The following NAF1 variants were observed in gnomAD, a reference collection of about 807,000 sequenced individuals.
NAF1 encodes nuclear assembly factor 1 ribonucleoprotein.
NAF1 carries 11 observed loss-of-function variants against 40.6 expected under a neutral mutation model. The observed-to-expected ratio is 0.27, with a 90% confidence interval of 0.17 to 0.45. The LOEUF (loss-of-function observed/expected upper bound fraction) is 0.45. Among genes scored for constraint, NAF1 ranks in the 20% least tolerant of loss-of-function variants. NAF1 has a pLI of 1.00. For missense variants in NAF1, 607 were observed against 611.1 expected (o/e 0.99, Z 0.07); for synonymous variants, 260 against 228.5 (o/e 1.14, Z -1.24).
intron 2 of NAF1, among the ~76,000 whole-genome samples, chr4:163,118,301 G>A (rs143721034): frequency 9.2e-5 from 14 of 152,270 alleles, no homozygotes; most frequent in African/African-American, 3.4e-4. Flanking sequence ...AGGGACAGGT[G>A]TAATAAAACA....
rs776788615 is a variant in NAF1, at chr4:163,140,283, A to G, written c.818T>C (p.Met273Thr). 6.2e-7 allele frequency: 1 copy of G among 1,607,980 alleles called. No individual in the cohort carries two copies. Among genetic ancestry groups the G allele is most frequent in the Non-Finnish European group, 8.5e-7 (1 of 1,177,212 alleles). Reference sequence around the variant, plus strand: ...ATCTTTCATTGATGGAGCAAAATACATAGTCTCCTTTATTTTAATACCTTT... The same window carrying G: ...ATCTTTCATTGATGGAGCAAAATACGTAGTCTCCTTTATTTTAATACCTTT... ...ESKGIKIKET[M>T]YFAPSMKDFT... The change falls in exon 5 of 8, where the codon ATG becomes ACG. Residue 273 changes from methionine to threonine, a missense_variant. Physicochemically the swap from Met to Thr is moderately conservative, Grantham distance 81 (BLOSUM62 -1). Transcript: ENST00000274054.
At chr4:163,145,029 A>G in intron 4 of NAF1, among the ~76,000 whole-genome samples, 1 of 152,208 alleles carries the variant, frequency 6.6e-6, no homozygotes, top group East Asian at 1.9e-4. Flanking sequence ...GAACTGTACT[A>G]GATACAATGG....
At chr4:163,115,748 G>C (rs953926717) in intron 2 of NAF1, among the ~76,000 whole-genome samples, 1 of 152,120 alleles carries the variant, frequency 6.6e-6, no homozygotes, top group Non-Finnish European at 1.5e-5. Context: ...AAACAGAAAA[G>C]AAGTCAAGTT....
downstream of NAF1, among the ~76,000 whole-genome samples, chr4:163,105,254 CTG>C (rs1410255008): frequency 1.3e-5 from 2 of 152,202 alleles, no homozygotes; most frequent in African/African-American, 4.8e-5. Context: ...AAGTTAATCA[CTG>C]TGAACTGCAG....
At chr4:163,158,952 G>A (rs1732104927) in intron 2 of NAF1, among the ~76,000 whole-genome samples, 1 of 151,918 alleles carries the variant, frequency 6.6e-6, no homozygotes. Flanking sequence ...TAACTCTCTG[G>A]TGCTACTTTG....
At chr4:163,145,241 T>C (rs1217861222) in intron 4 of NAF1, among the ~76,000 whole-genome samples, 1 of 152,210 alleles carries the variant, frequency 6.6e-6, no homozygotes, top group African/African-American at 2.4e-5. Context: ...GACCAAATCT[T>C]ATAGTAATTA....
At chr4:163,136,390 G>A (rs895825844) in intron 6 of NAF1, 27 of 148,772 alleles carry the variant, frequency 1.8e-4, no homozygotes, top group Non-Finnish European at 3.1e-4. Flanking sequence ...AAGAACTGCT[G>A]AGCAAGCTTT....
intron 4 of NAF1, chr4:163,144,070 G>A: frequency 1.1e-6 from 1 of 935,726 alleles, no homozygotes; most frequent in Non-Finnish European, 1.3e-6. Flanking sequence ...TACCAAACAA[G>A]ACAGTAATAT....
At chr4:163,109,797 G>T (rs947724865), downstream of NAF1, among the ~76,000 whole-genome samples, 2 of 152,170 alleles carry the variant, frequency 1.3e-5, no homozygotes, top group Non-Finnish European at 2.9e-5. Context: ...ACTCTGCATA[G>T]ATATAGAGAT....
intron 2 of NAF1, among the ~76,000 whole-genome samples, chr4:163,155,863 C>G (rs958727048): frequency 6.6e-6 from 1 of 151,894 alleles, no homozygotes; most frequent in Non-Finnish European, 1.5e-5. Flanking sequence ...TGGGACATTA[C>G]CACTCTGGCA....
At chr4:163,107,656 A>G (rs1236710999), downstream of NAF1, among the ~76,000 whole-genome samples, 2 of 152,170 alleles carry the variant, frequency 1.3e-5, no homozygotes, top group African/African-American at 4.8e-5. Flanking sequence ...TTAGTTCTCT[A>G]TTATTTGTTC....
chr4:163,126,503 C>T (rs753672958), downstream of NAF1, among the ~76,000 whole-genome samples: 57 of 152,184 alleles, frequency 3.7e-4, no homozygotes, highest in Non-Finnish European at 7.8e-4. Context: ...TGCAATCTCA[C>T]GAAAAAACTT....
intron 2 of NAF1, among the ~76,000 whole-genome samples, chr4:163,161,350 G>A (rs1388489293): frequency 1.3e-5 from 2 of 152,118 alleles, no homozygotes; most frequent in East Asian, 1.9e-4. Context: ...GTGGGCGCTT[G>A]TAATTCCAGT....
Position 163,164,454 on chromosome 4 carries a change from T to C in NAF1, c.366-63A>G, listed in dbSNP as rs915910440. ...TTATTATACTAATATTAAAATAAGA[T>C]TATTCAATTAAGAAATATCAACTTT... On this transcript the variant is annotated intron_variant, in intron 1 of 7. Coordinates refer to ENST00000274054, the MANE Select transcript of NAF1 (RefSeq NM_138386.3). 1.8e-5 allele frequency: 21 copies of C among 1,149,052 alleles called. No homozygotes were observed. In the African/African-American group the frequency reaches 3.3e-4, roughly 18 times the overall value. 71.2% of individuals were successfully genotyped at this position (1,149,052 alleles called of 1,614,324 possible).
intron 1 of NAF1, among the ~76,000 whole-genome samples, chr4:163,166,149 C>CAGT (rs1732451420): frequency 6.6e-6 from 1 of 152,104 alleles, no homozygotes; most frequent in Non-Finnish European, 1.5e-5. Flanking sequence ...GGAAATAAGT[C>CAGT]AGTACTAAGC....
chr4:163,130,139 G>C (rs1319209441), intron 7 of NAF1, among the ~76,000 whole-genome samples: 1 of 152,050 alleles, frequency 6.6e-6, no homozygotes, highest in African/African-American at 2.4e-5. Context: ...AGCTAAATCA[G>C]AAGATTTACA....
intron 7 of NAF1, 113 bp downstream of exon 7, chr4:163,133,041 A>G (rs1730928691): frequency 8.4e-6 from 7 of 829,988 alleles, no homozygotes; most frequent in Admixed American, 4.9e-5. Flanking sequence ...TGTTAGCAGG[A>G]TGCTAGGAGG....
chr4:163,120,390 T>G (rs1477631733), intron 2 of NAF1, among the ~76,000 whole-genome samples: 1 of 152,230 alleles, frequency 6.6e-6, no homozygotes, highest in Non-Finnish European at 1.5e-5. Flanking sequence ...ATCTGCTCTA[T>G]TTTACTATTT....
At chr4:163,160,999 A>G (rs1017758991) in intron 2 of NAF1, among the ~76,000 whole-genome samples, 1 of 150,222 alleles carries the variant, frequency 6.7e-6, no homozygotes, top group South Asian at 2.1e-4. Context: ...CTTCCCAGAA[A>G]GAATGGACTG....
Sources: allele counts gnomAD v4.1 joint callset (sites outside exome capture counted in the v4.1 genomes callset), GRCh38; gene constraint gnomAD v4.1.1; transcripts MANE v1.5; gene names NCBI Gene and HGNC (gene_info 2026-07-23, HGNC 2026-07-21).